Variants in PSORS1C1 observed in about 807,000 individuals in gnomAD.
PSORS1C1 encodes the protein psoriasis susceptibility 1 candidate gene 1 protein.
PSORS1C1 carries 7 observed loss-of-function variants against 9.4 expected under a neutral mutation model. The observed-to-expected ratio is 0.75, with a 90% confidence interval of 0.42 to 1.40. The LOEUF (loss-of-function observed/expected upper bound fraction) is 1.40, where lower values mean the gene tolerates loss of function less well. PSORS1C1 is among the 40% of genes most tolerant of loss of function. The probability of loss-of-function intolerance (pLI) is 0.01; values close to 1 mark genes in which losing one functional copy is unlikely to be tolerated. For synonymous variants in PSORS1C1, 63 were observed against 69.4 expected (o/e 0.91, Z 0.46); for missense variants, 146 against 178.1 (o/e 0.82, Z 1.02).
In PSORS1C1 at chr6:31,139,541, C is replaced by T. The variant is rs1581875151; in HGVS notation, c.168-100C>T. 8.4e-7 allele frequency: 1 copy of T among 1,195,702 alleles called. No individual in the cohort carries two copies. The highest frequency in any genetic ancestry group is 2.5e-5 in the East Asian group (1 of 39,954). The allele number at this position is 1,195,702 out of a possible 1,614,324, so 74.1% of individuals were successfully genotyped here. ...CTACTACCCCAGCCTCCCCACTCAC[C>T]CCCGCACTGAAAGCTCCCCCTGGGG... On this transcript the variant is annotated intron_variant, in intron 5 of 5. Transcript: ENST00000259881. The surrounding 1 kb of genome is among the most constrained non-coding windows in gnomAD (Gnocchi z 5.2).
chr6:31,135,801 C>T (rs1773112564), intron 3 of PSORS1C1, among the ~76,000 whole-genome samples: 1 of 152,174 alleles, frequency 6.6e-6, no homozygotes, highest in Non-Finnish European at 1.5e-5. Flanking sequence ...CTTTGGGAGG[C>T]CAAGATGGGC....
chr6:31,138,813 C>G (rs1381212368), intron 5 of PSORS1C1, 34 bp downstream of exon 5: 1 of 1,613,790 alleles, frequency 6.2e-7, no homozygotes, highest in Non-Finnish European at 8.5e-7. Flanking sequence ...CACCATGTCC[C>G]CCACCCAATG....
intron 1 of PSORS1C1, among the ~76,000 whole-genome samples, chr6:31,119,271 C>T (rs981510634): frequency 1.3e-5 from 2 of 152,218 alleles, no homozygotes; most frequent in African/African-American, 4.8e-5. Flanking sequence ...AAGAAATTCT[C>T]TGCATGCACC....
Position 31,138,671 on chromosome 6 carries a change from C to T in PSORS1C1, c.59C>T (p.Ala20Val), listed in dbSNP as rs970261837. ...TGGCCCCCAGGCACACAGACCCCAGCTTTACAAGGACCCCAGCTCCTTAAC... is the reference window on the plus strand; with the variant it reads ...TGGCCCCCAGGCACACAGACCCCAGTTTTACAAGGACCCCAGCTCCTTAAC... ...SQRALGTQTPALQGPQLLNTD... is the reference protein window; with the variant it reads ...SQRALGTQTPVLQGPQLLNTD... The change falls in exon 5 of 6, where the codon GCT (alanine) becomes GTT (valine). Residue 20 changes from alanine (A) to valine (V), a missense_variant. Transcript: ENST00000259881. 3.7e-6 allele frequency: 6 copies of T among 1,613,374 alleles called. No homozygotes were observed. The highest frequency in any genetic ancestry group is 5.1e-6 in the Non-Finnish European group (6 of 1,179,958).
chr6:31,139,953 G>A lies in PSORS1C1; in HGVS notation c.*21G>A. The A allele has an allele frequency of 6.3e-7, 1 of 1,597,806 alleles. No homozygotes were observed. Among genetic ancestry groups the A allele is most frequent in the Non-Finnish European group, 8.6e-7 (1 of 1,167,748 alleles). ...TCTAAGCCTCCCAGAGAGACCCCTA[G>A]AACGTTTCCCTCAAGGACCTTTCTG... On this transcript the variant is annotated 3_prime_UTR_variant, in exon 6 of 6. Coordinates refer to ENST00000259881, the MANE Select transcript of PSORS1C1 (RefSeq NM_014068.3). The surrounding 1 kb of genome is among the most constrained non-coding windows in gnomAD (Gnocchi z 5.2).
intron 1 of PSORS1C1, among the ~76,000 whole-genome samples, chr6:31,120,647 G>T (rs939146576): frequency 5.9e-5 from 9 of 152,048 alleles, no homozygotes; most frequent in African/African-American, 1.9e-4. Flanking sequence ...CCATGGCCAC[G>T]GGGCTCTAAC....
chr6:31,120,516 A>T, intron 1 of PSORS1C1: 1 of 1,080,034 alleles, frequency 9.3e-7, no homozygotes, highest in Non-Finnish European at 1.4e-6. Flanking sequence ...CACTGTGGGG[A>T]GAGGAGGAGA....
intron 3 of PSORS1C1, among the ~76,000 whole-genome samples, chr6:31,134,519 A>G (rs544420169): frequency 1.3e-5 from 2 of 151,580 alleles, no homozygotes; most frequent in Admixed American, 6.6e-5. Flanking sequence ...GTTAGCCAGG[A>G]TGGTCTCGAT....
At chr6:31,120,521 A>G in intron 1 of PSORS1C1, 1 of 1,061,004 alleles carries the variant, frequency 9.4e-7, no homozygotes, top group Non-Finnish European at 1.4e-6. Context: ...TGGGGAGAGG[A>G]GGAGAGGTGG....
intron 1 of PSORS1C1, among the ~76,000 whole-genome samples, chr6:31,125,146 G>C (rs142210172): frequency 7.9e-5 from 12 of 152,144 alleles, no homozygotes; most frequent in Non-Finnish European, 2.9e-5. Context: ...GAGTGAGCAC[G>C]AGGAAGAGAA....
intron 3 of PSORS1C1, among the ~76,000 whole-genome samples, chr6:31,136,976 C>T (rs1341150388): frequency 6.6e-6 from 1 of 151,254 alleles, no homozygotes; most frequent in Admixed American, 6.6e-5. Context: ...TGGTGAAACC[C>T]CATCTCTACT....
chr6:31,139,165 G>A lies in PSORS1C1; in HGVS notation c.167+386G>A, dbSNP rs1383505844. 15 of 682,326 alleles carry A rather than the reference G, an allele frequency of 2.2e-5. No individual in the cohort carries two copies. The highest frequency in any genetic ancestry group is 3.6e-5 in the Non-Finnish European group (14 of 394,036). 42.3% of individuals were successfully genotyped at this position (682,326 alleles called of 1,614,324 possible). ...CATCAGAACAGAACTGGTCAAACCC[G>A]TTGGGAAGGCCTGGGCTGATGTGTC... On this transcript the variant is annotated intron_variant, in intron 5 of 5. Transcript: ENST00000259881. This position sits in a 1 kb window ranked among gnomAD's most constrained non-coding sequence, Gnocchi z 5.2.
intron 1 of PSORS1C1, chr6:31,116,612 C>T (rs1772142310): frequency 6.2e-7 from 1 of 1,613,252 alleles, no homozygotes; most frequent in Non-Finnish European, 8.5e-7. Context: ...GAAGGGACCC[C>T]TGGAGAGCCT....
At chr6:31,122,828 G>A (rs1489143203) in intron 1 of PSORS1C1, among the ~76,000 whole-genome samples, 2 of 152,158 alleles carry the variant, frequency 1.3e-5, no homozygotes, top group Non-Finnish European at 2.9e-5. Flanking sequence ...CCTCCTGTGG[G>A]CCTCCCTAGA....
intron 2 of PSORS1C1, among the ~76,000 whole-genome samples, chr6:31,127,561 A>AATTATTACTATTATTATT (rs1554342598): frequency 2.1e-5 from 3 of 141,590 alleles, no homozygotes. Context: ...AGGAGACAGG[A>AATTATTACTATTATTATT]ATTATTATTA....
chr6:31,139,343 G>A lies in PSORS1C1; in HGVS notation c.168-298G>A, dbSNP rs569227172. 6.9e-6 allele frequency: 4 copies of A among 583,056 alleles called. No homozygotes were observed. Among genetic ancestry groups the A allele is most frequent in the East Asian group, 2.8e-5 (1 of 35,824 alleles). 36.1% of individuals were successfully genotyped at this position (583,056 alleles called of 1,614,324 possible). ...CAGTCAATACCCACTTGGCATCTCC[G>A]TAATCACAGAGATGTCCACCTTCAT... is the stretch of plus-strand genomic sequence containing the variant. On this transcript the variant is annotated intron_variant, in intron 5 of 5. Transcript: ENST00000259881. This position sits in a 1 kb window ranked among gnomAD's most constrained non-coding sequence, Gnocchi z 5.2.
intron 5 of PSORS1C1, 75 bp downstream of exon 5, chr6:31,138,854 T>G: frequency 6.2e-7 from 1 of 1,605,402 alleles, no homozygotes; most frequent in Non-Finnish European, 8.5e-7. Flanking sequence ...GTGAGCCAGA[T>G]GCACCTTCTG....
At position 31,114,862 on chromosome 6, in the gene PSORS1C1, A is replaced by G. The variant is rs1282189804; in HGVS notation, c.-258A>G. On this transcript the variant is annotated 5_prime_UTR_variant, in exon 1 of 6. An upstream start codon of the reference 5' UTR is lost. Coordinates refer to ENST00000259881, the MANE Select transcript of PSORS1C1 (RefSeq NM_014068.3). ...CCAGAAACCCAGGAAATCGAGACTCATGACTCCCAGAGAGGATGGCATCTA... is the reference window on the plus strand; with the variant it reads ...CCAGAAACCCAGGAAATCGAGACTCGTGACTCCCAGAGAGGATGGCATCTA... 1 of 449,956 alleles carries G rather than the reference A, an allele frequency of 2.2e-6. No individual in the cohort carries two copies. The allele number at this position is 449,956 out of a possible 1,614,324, so 27.9% of individuals were successfully genotyped here. A position where few individuals can be genotyped will look rare whatever the true frequency, so the allele number is the denominator to read the frequency against.
chr6:31,138,335 G>A (rs1202672050), intron 3 of PSORS1C1, 95 bp from the exon 4 acceptor site: 1 of 1,608,060 alleles, frequency 6.2e-7, no homozygotes. Flanking sequence ...AAAGGTAAGA[G>A]GTGGTGAGGG....
Sources: gnomAD v4.1 joint callset for allele counts (sites outside exome capture counted in the v4.1 genomes callset) on GRCh38, gnomAD v4.1.1 for gene constraint, Gnocchi (gnomAD v3.1) non-coding constraint, MANE v1.5 for transcripts, NCBI Gene and HGNC (gene_info 2026-07-23, HGNC 2026-07-21) for gene names.